Variants in MOB1B observed in about 807,000 individuals in gnomAD.
MOB1B encodes the protein MOB kinase activator 1B, also known as MOB1 Mps One Binder homolog B.
A neutral mutation model predicts 24.4 loss-of-function variants in MOB1B; 19 were observed. The ratio of observed to expected loss-of-function variants is 0.78; its 90% CI spans 0.54 to 1.14. The LOEUF (loss-of-function observed/expected upper bound fraction) is 1.14, where lower values mean the gene tolerates loss of function less well. Ranked by LOEUF, MOB1B falls within the 50% of genes most tolerant of loss-of-function variation. The probability of loss-of-function intolerance (pLI) is 0.00; values close to 1 mark genes in which losing one functional copy is unlikely to be tolerated. For missense variants in MOB1B, 243 were observed against 259.6 expected, an observed-to-expected ratio of 0.94 and a Z score of 0.44; for synonymous variants, 76 against 82.1, an observed-to-expected ratio of 0.93 and a Z score of 0.40.
intron 1 of MOB1B, among the ~76,000 whole-genome samples, chr4:70,911,287 G>A (rs1317818742): frequency 6.6e-6 from 1 of 151,724 alleles, no homozygotes; most frequent in East Asian, 1.9e-4. Flanking sequence ...AAGGATATCA[G>A]ATATTATATC....
chr4:70,932,268 T>C (rs1029128426), intron 1 of MOB1B, among the ~76,000 whole-genome samples: 2 of 152,218 alleles, frequency 1.3e-5, no homozygotes, highest in Non-Finnish European at 2.9e-5. Context: ...ATGTAGATTA[T>C]ATGATTTGCA....
intron 1 of MOB1B, among the ~76,000 whole-genome samples, chr4:70,909,225 C>T (rs1282211016): frequency 6.6e-6 from 1 of 152,096 alleles, no homozygotes; most frequent in Admixed American, 6.6e-5. Flanking sequence ...CTGTCTCCCT[C>T]TGTCTCTCTG....
intron 4 of MOB1B, among the ~76,000 whole-genome samples, chr4:70,978,084 C>G (rs1739071798): frequency 1.3e-5 from 2 of 152,164 alleles, no homozygotes; most frequent in African/African-American, 4.8e-5. Context: ...TCTGTCCTTT[C>G]ACTTAGCTCC....
At chr4:70,904,566 C>T (rs1735662232) in intron 1 of MOB1B, among the ~76,000 whole-genome samples, 2 of 151,664 alleles carry the variant, frequency 1.3e-5, no homozygotes, top group South Asian at 2.1e-4. Flanking sequence ...CGAGATCAGC[C>T]TGGCCAATAT....
chr4:70,912,268 T>G (rs1258853327), intron 1 of MOB1B, among the ~76,000 whole-genome samples: 2 of 124,276 alleles, frequency 1.6e-5, no homozygotes, highest in African/African-American at 5.9e-5. Context: ...TTTACAGAAG[T>G]GATTTTTAAA....
chr4:70,914,318 C>G (rs1736113558), intron 1 of MOB1B, among the ~76,000 whole-genome samples: 1 of 152,194 alleles, frequency 6.6e-6, no homozygotes, highest in South Asian at 2.1e-4. Flanking sequence ...TAAGGATTCC[C>G]ATGTTCTTCA....
chr4:70,930,619 A>G (rs1736849720), intron 1 of MOB1B, among the ~76,000 whole-genome samples: 1 of 152,198 alleles, frequency 6.6e-6, no homozygotes, highest in Admixed American at 6.5e-5. Flanking sequence ...TTTATTAGTA[A>G]AATCAGTAAA....
At chr4:70,902,708 G>GC (rs1489108347) in intron 1 of MOB1B, among the ~76,000 whole-genome samples, 158 bp downstream of exon 1, 1 of 152,100 alleles carries the variant, frequency 6.6e-6, no homozygotes, top group Non-Finnish European at 1.5e-5. Flanking sequence ...ACTGCGCGGA[G>GC]CGCTCGGACT....
intron 1 of MOB1B, among the ~76,000 whole-genome samples, chr4:70,931,874 G>C (rs1257476986): frequency 6.6e-6 from 1 of 152,028 alleles, no homozygotes; most frequent in African/African-American, 2.4e-5. Flanking sequence ...GGGAGTACAG[G>C]CACATGCACC....
chr4:70,947,789 T>C (rs896880107), intron 1 of MOB1B, among the ~76,000 whole-genome samples: 7 of 152,232 alleles, frequency 4.6e-5, no homozygotes, highest in African/African-American at 1.4e-4. Flanking sequence ...GATAATTTTT[T>C]GTAGAGATAG....
Position 70,931,398 on chromosome 4 carries a change from C to T in MOB1B, c.15-27476C>T, listed in dbSNP as rs187730292. 1.2e-3 allele frequency among the ~76,000 whole-genome samples: 184 copies of T among 152,226 alleles called. 1 individual carries two copies. The highest frequency in any genetic ancestry group is 2.0e-3 in the African/African-American group (85 of 41,546). ...AAACTTATAATTTGGGCAAAATCAT[C>T]GTACTTTTGTGTCTCTTTTTCTTAT... On this transcript the variant is annotated intron_variant, in intron 1 of 5. Transcript: ENST00000309395.
chr4:70,907,216 G>A (rs1249870397), intron 1 of MOB1B, among the ~76,000 whole-genome samples: 1 of 152,172 alleles, frequency 6.6e-6, no homozygotes, highest in Non-Finnish European at 1.5e-5. Context: ...ACCAACTTGA[G>A]GTTGGTGGCC....
chr4:70,976,357 G>T lies in MOB1B; in HGVS notation c.409+1071G>T, dbSNP rs985770372. The stretch of plus-strand genomic sequence containing the variant: ...TTTAGTAATATATTTGTGATCAAAA[G>T]GGAGTTTGAATTTATGACCCACAAT... On this transcript the variant is annotated intron_variant, in intron 4 of 5. Transcript: ENST00000309395. 11 of 984,974 alleles carry T rather than the reference G, an allele frequency of 1.1e-5. No homozygotes were observed. In the African/African-American group the frequency reaches 1.9e-4, roughly 17 times the overall value. 61.0% of individuals were successfully genotyped at this position (984,974 alleles called of 1,614,324 possible).
At chr4:70,962,630 G>C (rs570949349) in intron 2 of MOB1B, among the ~76,000 whole-genome samples, 4 of 152,058 alleles carry the variant, frequency 2.6e-5, no homozygotes, top group African/African-American at 9.6e-5. Flanking sequence ...TGCAACCTTG[G>C]ATTTGGTGAT....
At chr4:70,970,984 A>G (rs1299923331) in intron 3 of MOB1B, among the ~76,000 whole-genome samples, 1 of 152,156 alleles carries the variant, frequency 6.6e-6, no homozygotes, top group Non-Finnish European at 1.5e-5. Flanking sequence ...GCGTCTGTCA[A>G]TTCCCTTCCT....
Position 70,902,421 on chromosome 4 carries a change from G to GCACCTCCTC in MOB1B, c.-114_-106dup. Reference sequence around the variant, plus strand: ...GCGGCCACCGAGCAGCCGGCTCTCGGCACCTCCTCCTCCGCCTCCCTGTCT... The same window carrying GCACCTCCTC: ...GCGGCCACCGAGCAGCCGGCTCTCGGCACCTCCTCCACCTCCTCCTCCGCCTCCCTGTCT... On this transcript the variant is annotated 5_prime_UTR_variant, in exon 1 of 6. Coordinates refer to ENST00000309395, the MANE Select transcript of MOB1B (RefSeq NM_173468.4). 8.6e-7 allele frequency: 1 copy of GCACCTCCTC among 1,167,364 alleles called. No homozygotes were observed. Among genetic ancestry groups the GCACCTCCTC allele is most frequent in the Non-Finnish European group, 1.3e-6 (1 of 799,462 alleles). The allele number at this position is 1,167,364 out of a possible 1,614,324, so 72.3% of individuals were successfully genotyped here.
intron 3 of MOB1B, among the ~76,000 whole-genome samples, chr4:70,973,391 G>A (rs1019341791): frequency 5.4e-5 from 8 of 147,936 alleles, no homozygotes; most frequent in Admixed American, 3.5e-4. Context: ...GATTGCTTGC[G>A]CCCAGGAGTT....
chr4:70,950,098 A>G (rs1737741146), intron 1 of MOB1B, among the ~76,000 whole-genome samples: 1 of 152,160 alleles, frequency 6.6e-6, no homozygotes, highest in African/African-American at 2.4e-5. Context: ...AATTGGGTAG[A>G]AGCTAAAGGT....
At chr4:70,930,734 A>G (rs2148878929) in intron 1 of MOB1B, among the ~76,000 whole-genome samples, 1 of 152,272 alleles carries the variant, frequency 6.6e-6, no homozygotes, top group South Asian at 2.1e-4. Flanking sequence ...TATTTCAAAA[A>G]GAGGAAGAGG....
Sources: gnomAD v4.1 joint callset for allele counts (sites outside exome capture counted in the v4.1 genomes callset) on GRCh38, gnomAD v4.1.1 for gene constraint, MANE v1.5 for transcripts, NCBI Gene and HGNC (gene_info 2026-07-23, HGNC 2026-07-21) for gene names.